PTPN23: variants seen among roughly 807,000 people sequenced by gnomAD.
PTPN23 encodes tyrosine-protein phosphatase non-receptor type 23.
Under a neutral mutation model 156.3 loss-of-function variants are expected in PTPN23, and 72 were observed. The ratio of observed to expected loss-of-function variants is 0.46; its 90% CI spans 0.38 to 0.56. The LOEUF is 0.56. Among genes scored for constraint, PTPN23 ranks in the 20% least tolerant of loss-of-function variants. The pLI, the probability that PTPN23 is intolerant of heterozygous loss-of-function variation, is 0.00. For missense variants in PTPN23, 1,974 were observed against 2,171.5 expected, an observed-to-expected ratio of 0.91 and a Z score of 1.81; for synonymous variants, 957 against 899.6, an observed-to-expected ratio of 1.06 and a Z score of -1.14.
chr3:47,400,615 C>T (rs1362122381), intron 2 of PTPN23, among the ~76,000 whole-genome samples: 4 of 152,154 alleles, frequency 2.6e-5, no homozygotes, highest in African/African-American at 9.7e-5. Context: ...CTCCTATTGC[C>T]CAGGGTGGAG....
chr3:47,409,590 C>T, intron 18 of PTPN23, 22 bp downstream of exon 18: 6 of 1,612,546 alleles, frequency 3.7e-6, no homozygotes, highest in Non-Finnish European at 5.1e-6. Flanking sequence ...GTCCTCTGCT[C>T]TTTCCCGGAG....
At chr3:47,383,847 A>T (rs1476335360) in intron 1 of PTPN23, among the ~76,000 whole-genome samples, 1 of 152,098 alleles carries the variant, frequency 6.6e-6, no homozygotes. Flanking sequence ...TAGACACTGG[A>T]GGAGACTGTG....
In PTPN23 at chr3:47,406,748, C is replaced by G; in HGVS notation, c.805C>G (p.Arg269Gly). 1.2e-6 allele frequency: 2 copies of G among 1,613,560 alleles called. No individual in the cohort carries two copies. The highest frequency in any genetic ancestry group is 1.1e-5 in the South Asian group (1 of 91,050). ...QAEEQQKFGERVAYFQSALDK... is the reference protein window; with the variant it reads ...QAEEQQKFGEGVAYFQSALDK... Reference sequence around the variant, plus strand: ...CGAGGAGCAGCAGAAGTTCGGGGAGCGGGTGAGCTACAGCGAGGAGGGGAC... The same window carrying G: ...CGAGGAGCAGCAGAAGTTCGGGGAGGGGGTGAGCTACAGCGAGGAGGGGAC... Residue 269 changes from arginine to glycine, a missense_variant and splice_region_variant, in exon 9 of 25, where the codon CGG (arginine) becomes GGG (glycine). Coordinates refer to ENST00000265562, the MANE Select transcript of PTPN23 (RefSeq NM_015466.4). This position sits in a 1 kb window ranked among gnomAD's most constrained non-coding sequence, Gnocchi z 5.8.
rs1705291623 is a variant in PTPN23, at chr3:47,411,584, C to T, written c.3786C>T (p.Thr1262=). Reference sequence around the variant, plus strand: ...CATACTGCCCCCCGCTAGTGGCAACCCAGGCCCCACTGCCTGGCACAGCTG... The same window carrying T: ...CATACTGCCCCCCGCTAGTGGCAACTCAGGCCCCACTGCCTGGCACAGCTG... ...LSPYCPPLVA[T]QAPLPGTAAD... The change falls in exon 20 of 25, where the codon ACC becomes ACT. Residue 1262 remains threonine, a synonymous_variant. Coordinates refer to ENST00000265562, the MANE Select transcript of PTPN23 (RefSeq NM_015466.4). The surrounding 1 kb of genome is among the most constrained non-coding windows in gnomAD (Gnocchi z 6.3). 4 of 1,612,592 alleles carry T rather than the reference C, an allele frequency of 2.5e-6. No individual in the cohort carries two copies. The highest frequency in any genetic ancestry group is 1.6e-4 in the Middle Eastern group (1 of 6,062).
chr3:47,406,679 G>A lies in PTPN23; in HGVS notation c.760-24G>A, dbSNP rs775137845. On this transcript the variant is annotated intron_variant, in intron 8 of 24. Coordinates refer to ENST00000265562, the MANE Select transcript of PTPN23 (RefSeq NM_015466.4). This position sits in a 1 kb window ranked among gnomAD's most constrained non-coding sequence, Gnocchi z 5.8. ...GTGGCCACAGCTCAGGAAGCAAGTC[G>A]TGGCGTCTCTTCTTCTTTCCCAGCT... 8.0e-5 allele frequency: 129 copies of A among 1,613,894 alleles called. No homozygotes were observed. Among genetic ancestry groups the A allele is most frequent in the Middle Eastern group, 1.6e-4 (1 of 6,076 alleles).
Position 47,381,079 on chromosome 3 carries a change from C to T in PTPN23, c.-18C>T, listed in dbSNP as rs531210267. Reference sequence around the variant, plus strand: ...GCAGCTACGGGAGTGGCCGGGTGGCCGGCGGGTGCCAGCCGCCATGGAGGC... The same window carrying T: ...GCAGCTACGGGAGTGGCCGGGTGGCTGGCGGGTGCCAGCCGCCATGGAGGC... On this transcript the variant is annotated 5_prime_UTR_variant, in exon 1 of 25. Transcript: ENST00000265562. 10 of 1,559,144 alleles carry T rather than the reference C, an allele frequency of 6.4e-6. 1 individual carries two copies. The East Asian group carries it at 9.7e-5, about 15-fold the overall frequency.
intron 2 of PTPN23, among the ~76,000 whole-genome samples, chr3:47,398,190 T>C (rs7641010): frequency 0.38 from 57,098 of 151,986 alleles, 11,137 homozygotes; most frequent in East Asian, 0.53. Context: ...TCCCAGCTAC[T>C]AGGGAGGCTA....
chr3:47,408,756 T>C lies in PTPN23; in HGVS notation c.1331-20T>C. 6.4e-7 allele frequency: 1 copy of C among 1,567,552 alleles called. No homozygotes were observed. Among genetic ancestry groups the C allele is most frequent in the Non-Finnish European group, 8.7e-7 (1 of 1,154,738 alleles). The stretch of plus-strand genomic sequence containing the variant: ...CGGTCAGCCTGCCTCAGGGGCTGCC[T>C]GTACAATCCACAACCCCAGTGCTGT... On this transcript the variant is annotated intron_variant, in intron 15 of 24. Coordinates refer to ENST00000265562, the MANE Select transcript of PTPN23 (RefSeq NM_015466.4).
In PTPN23 at chr3:47,413,195, G is replaced by A; in HGVS notation, c.*10G>A. The A allele has an allele frequency of 6.2e-7, 1 of 1,603,440 alleles. No homozygotes were observed. Among genetic ancestry groups the A allele is most frequent in the Non-Finnish European group, 8.5e-7 (1 of 1,174,350 alleles). ...ACTCAACAAGACCTGAACAGGTTTT[G>A]CCTACCTGGTCCTTACACTACATCA... On this transcript the variant is annotated 3_prime_UTR_variant, in exon 25 of 25. Transcript: ENST00000265562.
At position 47,381,088 on chromosome 3, in the gene PTPN23, C is replaced by G. The variant is rs1481980840; in HGVS notation, c.-9C>G. The G allele has an allele frequency of 6.4e-7, 1 of 1,563,454 alleles. No individual in the cohort carries two copies. The highest frequency in any genetic ancestry group is 8.7e-7 in the Non-Finnish European group (1 of 1,155,448). The stretch of plus-strand genomic sequence containing the variant: ...GGAGTGGCCGGGTGGCCGGCGGGTG[C>G]CAGCCGCCATGGAGGCCGTGCCCCG... On this transcript the variant is annotated 5_prime_UTR_variant, in exon 1 of 25. Transcript: ENST00000265562.
At chr3:47,381,224 C>T (rs1330349066) in intron 1 of PTPN23, 44 bp downstream of exon 1, 2 of 1,551,712 alleles carry the variant, frequency 1.3e-6, no homozygotes, top group African/African-American at 1.4e-5. Flanking sequence ...CGCGTATCTC[C>T]GTCGTCTGCA....
Position 47,412,212 on chromosome 3 carries a change from C to T in PTPN23, c.4178+14C>T. 2.5e-6 allele frequency: 4 copies of T among 1,613,284 alleles called. No homozygotes were observed. Among genetic ancestry groups the T allele is most frequent in the Non-Finnish European group, 3.4e-6 (4 of 1,180,026 alleles). On this transcript the variant is annotated intron_variant, in intron 22 of 24. Transcript: ENST00000265562. ...TGTGCACTGCAGGTAGAGGGTGGGCCTGAGGGTCTCTCCTCTATGGGCTCT... is the reference window on the plus strand; with the variant it reads ...TGTGCACTGCAGGTAGAGGGTGGGCTTGAGGGTCTCTCCTCTATGGGCTCT...
rs1164990153 is a variant in PTPN23, at chr3:47,408,789, G to A, written c.1344G>A (p.Val448=). The change falls in exon 16 of 25, where the codon GTG becomes GTA. Residue 448 remains valine, a synonymous_variant. Transcript: ENST00000265562. ...LVQSMQVLSG[V]FTDVEASLKD... is the part of the protein sequence containing the mutation. ...CCACAACCCCAGTGCTGTCAGGTGT[G>A]TTCACGGATGTGGAGGCTTCCCTGA... 2.5e-6 allele frequency: 4 copies of A among 1,597,012 alleles called. No individual in the cohort carries two copies. Among genetic ancestry groups the A allele is most frequent in the African/African-American group, 1.3e-5 (1 of 74,784 alleles).
rs1240722540 is a variant in PTPN23, at chr3:47,412,373, G to A, written c.4269G>A (p.Gln1423=). 6.2e-7 allele frequency: 1 copy of A among 1,613,230 alleles called. No individual in the cohort carries two copies. The highest frequency in any genetic ancestry group is 2.2e-5 in the East Asian group (1 of 44,888). Residue 1423 remains glutamine, a synonymous_variant, in exon 23 of 25, where the codon CAG becomes CAA. Coordinates refer to ENST00000265562, the MANE Select transcript of PTPN23 (RefSeq NM_015466.4). ...EAGNGIPELP[Q]LVRRMRQQRK... The stretch of plus-strand genomic sequence containing the variant: ...GGAACGGAATCCCTGAGCTGCCTCA[G>A]CTGGTGCGGCGCATGCGGCAGCAGA...
chr3:47,410,471 C>G lies in PTPN23; in HGVS notation c.2673C>G (p.Ile891Met), dbSNP rs760796648. The G allele has an allele frequency of 8.2e-5, 132 of 1,609,974 alleles. No homozygotes were observed. The highest frequency in any genetic ancestry group is 1.1e-4 in the Non-Finnish European group (131 of 1,178,410). Reference sequence around the variant, plus strand: ...CAGTAGATAGCATCCAGGCGCCCATCCCCAGCCACACAGCCCCACGGCCAA... The same window carrying G: ...CAGTAGATAGCATCCAGGCGCCCATGCCCAGCCACACAGCCCCACGGCCAA... Reference protein sequence around the residue: ...TTTVDSIQAPIPSHTAPRPNP... With the variant: ...TTTVDSIQAPMPSHTAPRPNP... Residue 891 changes from isoleucine to methionine, a missense_variant, in exon 20 of 25, where the codon ATC becomes ATG. By Grantham distance (10) the Ile-to-Met change is conservative. Transcript: ENST00000265562.
rs768869079 is a variant in PTPN23 at position 47,409,863 on chromosome 3, G to T, written c.2129+29G>T. The T allele has an allele frequency of 9.4e-6, 15 of 1,600,136 alleles. No individual in the cohort carries two copies. In the South Asian group the frequency reaches 1.2e-4, roughly 13 times the overall value. The stretch of plus-strand genomic sequence containing the variant: ...TGTGTGGCCCTGGGGCTGTGGTGCG[G>T]CTCGGGTCCAGACAGGCTGGGGTGA... On this transcript the variant is annotated intron_variant, in intron 19 of 24. Coordinates refer to ENST00000265562, the MANE Select transcript of PTPN23 (RefSeq NM_015466.4).
chr3:47,412,041 C>T, intron 21 of PTPN23, 53 bp from the exon 22 acceptor site: 1 of 1,609,218 alleles, frequency 6.2e-7, no homozygotes, highest in Non-Finnish European at 8.5e-7. Flanking sequence ...GGGATGAGAG[C>T]CTCAGGTCAG....
Position 47,382,680 on chromosome 3 carries a change from C to CTT in PTPN23, c.84+1525_84+1526dup, listed in dbSNP as rs71098482. On this transcript the variant is annotated intron_variant, in intron 1 of 24. Coordinates refer to ENST00000265562, the MANE Select transcript of PTPN23 (RefSeq NM_015466.4). ...AGAACTCCTGTTTTCTTTTTCTTTT[C>CTT]TTTTTTTTTTTTTTTTTTTTTTTTT... Among the ~76,000 whole-genome samples, 175 of 58,652 alleles carry CTT rather than the reference C, an allele frequency of 3.0e-3. 20 individuals carry two copies. The highest frequency in any genetic ancestry group is 7.6e-3 in the African/African-American group (129 of 17,076). The allele number at this position is 58,652 out of a possible 152,430, so 38.5% of individuals were successfully genotyped here. A position where few individuals can be genotyped will look rare whatever the true frequency, so the allele number is the denominator to read the frequency against.
At chr3:47,393,940 G>A (rs1160680650) in intron 1 of PTPN23, among the ~76,000 whole-genome samples, 1 of 149,956 alleles carries the variant, frequency 6.7e-6, no homozygotes, top group Non-Finnish European at 1.5e-5. Context: ...TAGAGATAGG[G>A]TCTCATGTTG....
Sources: allele counts gnomAD v4.1 joint callset (sites outside exome capture counted in the v4.1 genomes callset), GRCh38; gene constraint gnomAD v4.1.1; non-coding constraint Gnocchi (gnomAD v3.1); transcripts MANE v1.5; gene names NCBI Gene and HGNC (gene_info 2026-07-23, HGNC 2026-07-21).